Variants in RYR2 observed in about 807,000 individuals in gnomAD.
RYR2 encodes ryanodine receptor 2.
Under a neutral mutation model 601.1 loss-of-function variants are expected in RYR2, and 227 were observed. That is an observed-to-expected ratio of 0.38 (90% CI 0.34 to 0.42). The LOEUF is 0.42. Among genes scored for constraint, RYR2 ranks in the 10% least tolerant of loss-of-function variants. The pLI is 1.00. For synonymous variants in RYR2, 2,223 were observed against 2,175.1 expected (o/e 1.02, Z -0.61); for missense variants, 4,646 against 6,156.5 (o/e 0.75, Z 8.21).
chr1:237,439,551 G>A (rs942125225), intron 12 of RYR2, among the ~76,000 whole-genome samples: 9 of 151,952 alleles, frequency 5.9e-5, no homozygotes, highest in Admixed American at 3.9e-4. Context: ...GGCTGAGACA[G>A]CAGAATTGCT....
In RYR2 at chr1:237,160,159, G is replaced by C. The variant is rs187980900; in HGVS notation, c.49-110338G>C. Among the ~76,000 whole-genome samples the C allele has an allele frequency of 2.0e-5, 3 of 152,294 alleles. No homozygotes were observed. In the East Asian group the frequency reaches 5.8e-4, roughly 29 times the overall value. On this transcript the variant is annotated intron_variant, in intron 1 of 104. Coordinates refer to ENST00000366574, the MANE Select transcript of RYR2 (RefSeq NM_001035.3). Reference sequence around the variant, plus strand: ...TTGGATTAACTTTCTTAATATTGAAGAAGGGTATCTTATACTGGTATAAAG... The same window carrying C: ...TTGGATTAACTTTCTTAATATTGAACAAGGGTATCTTATACTGGTATAAAG...
In RYR2 at chr1:237,756,377, T is replaced by A; in HGVS notation, c.11235T>A (p.Ser3745Arg). The change falls in exon 81 of 105, where the codon AGT becomes AGA. Residue 3745 changes from serine (S) to arginine (R), a missense_variant. By Grantham distance (110) the Ser-to-Arg change is moderately radical. Around this residue, in one of 17 missense-constraint regions of RYR2, gnomAD observed 1,497 missense variants for 1,842.6 expected, o/e 0.81. Coordinates refer to ENST00000366574, the MANE Select transcript of RYR2 (RefSeq NM_001035.3). Reference protein sequence around the residue: ...GAAEMVLQTISASKGETGPMV... With the variant: ...GAAEMVLQTIRASKGETGPMV... ...CTGAGATGGTGCTACAGACAATCAG[T>A]GCCAGCAAAGGTAAGGTTCCTTGAG... 1 of 1,610,940 alleles carries A rather than the reference T, an allele frequency of 6.2e-7. No homozygotes were observed. The highest frequency in any genetic ancestry group is 8.5e-7 in the Non-Finnish European group (1 of 1,177,714).
At chr1:237,780,746 G>A (rs1266158184) in intron 88 of RYR2, among the ~76,000 whole-genome samples, 1 of 152,108 alleles carries the variant, frequency 6.6e-6, no homozygotes, top group Admixed American at 6.6e-5. Flanking sequence ...ATATTTATTA[G>A]TACAATGTTG....
intron 16 of RYR2, among the ~76,000 whole-genome samples, chr1:237,457,253 TTCTC>T (rs1271685895): frequency 6.6e-6 from 1 of 152,136 alleles, no homozygotes; most frequent in Non-Finnish European, 1.5e-5. Context: ...TGCTCCAGTC[TTCTC>T]TCTATTCTTT....
chr1:237,077,452 C>G (rs1665111151), intron 1 of RYR2, among the ~76,000 whole-genome samples: 1 of 132,808 alleles, frequency 7.5e-6, no homozygotes, highest in African/African-American at 2.6e-5. Context: ...CAATGGAAAA[C>G]AAAAAAAGGC....
chr1:237,105,848 A>G (rs1247120806), intron 1 of RYR2, among the ~76,000 whole-genome samples: 1 of 151,966 alleles, frequency 6.6e-6, no homozygotes, highest in Non-Finnish European at 1.5e-5. Context: ...AAAAAAAAAA[A>G]AAAAAAAAAA....
At chr1:237,569,652 C>A (rs969269922) in intron 29 of RYR2, among the ~76,000 whole-genome samples, 2 of 152,160 alleles carry the variant, frequency 1.3e-5, no homozygotes, top group Middle Eastern at 3.2e-3. Context: ...CCTAGAGCCT[C>A]TTTCTGTTTA....
At chr1:237,265,971 C>T (rs1435829906) in intron 1 of RYR2, among the ~76,000 whole-genome samples, 1 of 152,038 alleles carries the variant, frequency 6.6e-6, no homozygotes, top group Non-Finnish European at 1.5e-5. Flanking sequence ...ATTATTTCAT[C>T]CAGAATTTGT....
chr1:237,785,457 G>A (rs1199557277), intron 90 of RYR2, among the ~76,000 whole-genome samples: 4 of 152,162 alleles, frequency 2.6e-5, no homozygotes, highest in Admixed American at 2.0e-4. Flanking sequence ...GTATCATAGG[G>A]AATTCAAAGG....
Position 237,548,496 on chromosome 1 carries a change from C to A in RYR2, c.2972C>A (p.Ser991Ter). 1 of 1,613,902 alleles carries A rather than the reference C, an allele frequency of 6.2e-7. No individual in the cohort carries two copies. The highest frequency in any genetic ancestry group is 8.5e-7 in the Non-Finnish European group (1 of 1,179,828). ...CTGAGCTTTATCAAACTCACCCCAT[C>A]ACAAGAAGCAATGGTGGACAAGTTG... ...MDLSFIKLTPSQEAMVDKLAE... is the reference protein window; with the variant it reads ...MDLSFIKLTP Residue 991 changes from serine (S) to a stop codon, truncating the protein, a stop_gained, in exon 26 of 105, where the codon TCA becomes TAA. Coordinates refer to ENST00000366574, the MANE Select transcript of RYR2 (RefSeq NM_001035.3). LOFTEE classifies it high-confidence loss of function.
At chr1:237,519,205 A>G (rs950526335) in intron 24 of RYR2, among the ~76,000 whole-genome samples, 1 of 152,086 alleles carries the variant, frequency 6.6e-6, no homozygotes, top group Admixed American at 6.5e-5. Flanking sequence ...ATTCTTTGCA[A>G]ATATTTTCTT....
chr1:237,515,390 A>G (rs1054802067), intron 24 of RYR2, among the ~76,000 whole-genome samples: 4 of 152,198 alleles, frequency 2.6e-5, no homozygotes, highest in Non-Finnish European at 4.4e-5. Context: ...CACTACAATG[A>G]TATTTTTCCT....
At chr1:237,572,492 T>C (rs961785193) in intron 29 of RYR2, among the ~76,000 whole-genome samples, 1 of 152,188 alleles carries the variant, frequency 6.6e-6, no homozygotes, top group African/African-American at 2.4e-5. Context: ...GACTCTGAAG[T>C]GTGTCACCGT....
At chr1:237,316,533 G>C (rs183222629) in intron 2 of RYR2, among the ~76,000 whole-genome samples, 5 of 152,060 alleles carry the variant, frequency 3.3e-5, no homozygotes, top group African/African-American at 1.2e-4. Flanking sequence ...GTTTGCTCTC[G>C]ACAGATGTAT....
Position 237,660,879 on chromosome 1 carries a change from G to A in RYR2, c.8368G>A (p.Glu2790Lys). The stretch of plus-strand genomic sequence containing the variant: ...TATGCTGGCTTGGGGCTGGAGAATT[G>A]AAAGAACTCGGGAGGGAGACAGCAT... ...KTMLAWGWRI[E>K]RTREGDSMAL... is the part of the protein sequence containing the mutation. Residue 2790 changes from glutamate (E) to lysine (K), a missense_variant, in exon 56 of 105, where the codon GAA becomes AAA. By Grantham distance (56) the Glu-to-Lys change is moderately conservative. Coordinates refer to ENST00000366574, the MANE Select transcript of RYR2 (RefSeq NM_001035.3). 1 of 1,541,774 alleles carries A rather than the reference G, an allele frequency of 6.5e-7. No individual in the cohort carries two copies. The highest frequency in any genetic ancestry group is 8.8e-7 in the Non-Finnish European group (1 of 1,141,162).
Position 237,686,870 on chromosome 1 carries a change from C to G in RYR2, c.9018-585C>G, listed in dbSNP as rs1051796236. ...CTTTCCTCTGAGTGATTATCAGTTG[C>G]TCAAATTCTGTTCCTACTTTACTGT... On this transcript the variant is annotated intron_variant, in intron 62 of 104. Transcript: ENST00000366574. Among the ~76,000 whole-genome samples, 5 of 152,286 alleles carry G rather than the reference C, an allele frequency of 3.3e-5. No individual in the cohort carries two copies. The East Asian group carries it at 9.6e-4, about 29-fold the overall frequency.
chr1:237,255,054 A>AC (rs1356980180), intron 1 of RYR2, among the ~76,000 whole-genome samples: 1 of 152,208 alleles, frequency 6.6e-6, no homozygotes, highest in Non-Finnish European at 1.5e-5. Flanking sequence ...TCCTCAGCAC[A>AC]CACATTATGA....
At chr1:237,140,451 C>G (rs1192147942) in intron 1 of RYR2, among the ~76,000 whole-genome samples, 1 of 152,202 alleles carries the variant, frequency 6.6e-6, no homozygotes, top group Admixed American at 6.5e-5. Context: ...CTTGAATTCT[C>G]TCTTGCAGAA....
chr1:237,183,907 A>T (rs979225516), intron 1 of RYR2, among the ~76,000 whole-genome samples: 1 of 152,208 alleles, frequency 6.6e-6, no homozygotes, highest in Non-Finnish European at 1.5e-5. Context: ...CTGACAAGCA[A>T]AGAAATTGCT....
Sources: gnomAD v4.1 joint callset for allele counts (sites outside exome capture counted in the v4.1 genomes callset) on GRCh38, gnomAD v4.1.1 for gene constraint, gnomAD v4.1.1 regional missense constraint, MANE v1.5 for transcripts, NCBI Gene and HGNC (gene_info 2026-07-23, HGNC 2026-07-21) for gene names.